PLEKHD1: variants seen among roughly 807,000 people sequenced by gnomAD.
The protein encoded by PLEKHD1 is pleckstrin homology domain-containing family D member 1.
PLEKHD1 carries 51 observed loss-of-function variants against 69.2 expected under a neutral mutation model. The ratio of observed to expected loss-of-function variants is 0.74; its 90% CI spans 0.59 to 0.93. PLEKHD1 has a LOEUF of 0.93. Among genes scored for constraint, PLEKHD1 ranks in the 40% least tolerant of loss-of-function variants. PLEKHD1 has a pLI of 0.00. For synonymous variants in PLEKHD1, 236 were observed against 244.7 expected, an observed-to-expected ratio of 0.96 and a Z score of 0.33; for missense variants, 584 against 641.0, an observed-to-expected ratio of 0.91 and a Z score of 0.96.
In PLEKHD1 at chr14:69,527,806, AATGCCGAGCTGGAGGCCAAG is replaced by A; in HGVS notation, c.1231_1250del (p.Glu411CysfsTer11). The stretch of plus-strand genomic sequence containing the variant: ...AGGGTTCTTTGAGGAGTGCATCCGG[AATGCCGAGCTGGAGGCCAAG>A]ATGCCTGTGATCATGAAGAACTCCG... On this transcript the variant is annotated frameshift_variant, in exon 12 of 13. Transcript: ENST00000322564. LOFTEE classifies it high-confidence loss of function. 1 of 1,551,472 alleles carries A rather than the reference AATGCCGAGCTGGAGGCCAAG, an allele frequency of 6.4e-7. No individual in the cohort carries two copies. Among genetic ancestry groups the A allele is most frequent in the Non-Finnish European group, 8.7e-7 (1 of 1,146,990 alleles).
At chr14:69,476,244 T>G in the PLEKHD1 span, among the ~76,000 whole-genome samples, 2 of 110,978 alleles carry the variant, frequency 1.8e-5, no homozygotes, top group South Asian at 3.0e-4. Context: ...GGTGACAGAG[T>G]GAGACTCTGT....
rs1366316839 is a variant in PLEKHD1, at chr14:69,484,737, G to T, written c.-229G>T. On this transcript the variant is annotated 5_prime_UTR_variant, in exon 1 of 13. Transcript: ENST00000322564. ...GAGCCACCCTCCCCGCGGAGTTCCCGCCCGGCCCTCTGCAATCCGGAGCCC... is the reference window on the plus strand; with the variant it reads ...GAGCCACCCTCCCCGCGGAGTTCCCTCCCGGCCCTCTGCAATCCGGAGCCC... 6 of 489,820 alleles carry T rather than the reference G, an allele frequency of 1.2e-5. No homozygotes were observed. In the South Asian group the frequency reaches 1.6e-4, roughly 13 times the overall value. The allele number at this position is 489,820 out of a possible 1,614,324, so 30.3% of individuals were successfully genotyped here.
Position 69,528,514 on chromosome 14 carries a change from T to C in PLEKHD1, c.*95T>C. On this transcript the variant is annotated 3_prime_UTR_variant, in exon 13 of 13. Coordinates refer to ENST00000322564, the MANE Select transcript of PLEKHD1 (RefSeq NM_001161498.2). Reference sequence around the variant, plus strand: ...GGCCTCACTCTACCAGCTCCTGGCCTCTCTGGTCTGGAGCCTATGTCTCCT... The same window carrying C: ...GGCCTCACTCTACCAGCTCCTGGCCCCTCTGGTCTGGAGCCTATGTCTCCT... 1 of 1,422,684 alleles carries C rather than the reference T, an allele frequency of 7.0e-7. No homozygotes were observed. The highest frequency in any genetic ancestry group is 1.4e-5 in the African/African-American group (1 of 70,346). The allele number at this position is 1,422,684 out of a possible 1,614,324, so 88.1% of individuals were successfully genotyped here. A position where few individuals can be genotyped will look rare whatever the true frequency, so the allele number is the denominator to read the frequency against.
intron 1 of PLEKHD1, among the ~76,000 whole-genome samples, chr14:69,497,785 G>A (rs1882919340): frequency 6.6e-6 from 1 of 152,188 alleles, no homozygotes; most frequent in Non-Finnish European, 1.5e-5. Context: ...TTTCCGCAGT[G>A]GGGGCAGAAA....
rs1054842204 is a variant in PLEKHD1, at chr14:69,484,975, T to A, written c.10T>A (p.Ser4Thr). The A allele has an allele frequency of 7.7e-6, 12 of 1,550,888 alleles. No individual in the cohort carries two copies. Among genetic ancestry groups the A allele is most frequent in the South Asian group, 1.2e-5 (1 of 84,026 alleles). Residue 4 changes from serine to threonine, a missense_variant, in exon 1 of 13, where the codon TCC (serine) becomes ACC (threonine). Coordinates refer to ENST00000322564, the MANE Select transcript of PLEKHD1 (RefSeq NM_001161498.2). ...GCCCCGCTGAGGCAGGATGTTCACG[T>A]CCAAGTCCAACTCGGTGTCGCCCTC... MFT[S>T]KSNSVSPSPS...
Position 69,502,774 on chromosome 14 carries a change from A to C in PLEKHD1, c.503-53A>C, listed in dbSNP as rs906065411. 3.9e-6 allele frequency: 6 copies of C among 1,548,832 alleles called. No individual in the cohort carries two copies. The African/African-American group carries it at 8.2e-5, about 21-fold the overall frequency. ...CAGGCACCAGCTCCCTCAGGACCTC[A>C]GAGCACTTTCCTGATTGTGTGTGCA... On this transcript the variant is annotated intron_variant, in intron 5 of 12. Coordinates refer to ENST00000322564, the MANE Select transcript of PLEKHD1 (RefSeq NM_001161498.2).
chr14:69,472,655 A>G, the PLEKHD1 span, among the ~76,000 whole-genome samples: 7 of 152,348 alleles, frequency 4.6e-5, no homozygotes, highest in South Asian at 4.1e-4. Flanking sequence ...TTGCATTGCA[A>G]CTGGCTACAG....
chr14:69,480,000 G>T (rs1293958646), upstream of PLEKHD1, among the ~76,000 whole-genome samples: 1 of 152,312 alleles, frequency 6.6e-6, no homozygotes, highest in African/African-American at 2.4e-5. Context: ...GTAAGCATTT[G>T]CTGAGCACCC....
intron 6 of PLEKHD1, among the ~76,000 whole-genome samples, chr14:69,511,456 A>G (rs896649040): frequency 1.3e-5 from 2 of 151,310 alleles, no homozygotes; most frequent in African/African-American, 4.9e-5. Flanking sequence ...CCTCACACAG[A>G]CCATTGTTGG....
chr14:69,473,684 A>G, the PLEKHD1 span, among the ~76,000 whole-genome samples: 1 of 152,048 alleles, frequency 6.6e-6, no homozygotes. Context: ...TTTGTGTCCC[A>G]CTCTGGTTGC....
intron 6 of PLEKHD1, among the ~76,000 whole-genome samples, chr14:69,517,623 A>G (rs1205031072): frequency 6.6e-6 from 1 of 152,054 alleles, no homozygotes; most frequent in Admixed American, 6.5e-5. Context: ...TGCTTAATAA[A>G]CGATAGCCAC....
intron 6 of PLEKHD1, among the ~76,000 whole-genome samples, chr14:69,514,852 G>A (rs1883348635): frequency 6.6e-6 from 1 of 152,034 alleles, no homozygotes; most frequent in Non-Finnish European, 1.5e-5. Flanking sequence ...CCCCCAAGTA[G>A]GTTACACTCT....
chr14:69,523,662 G>A (rs574024367), intron 7 of PLEKHD1, among the ~76,000 whole-genome samples: 2 of 152,182 alleles, frequency 1.3e-5, no homozygotes, highest in African/African-American at 4.8e-5. Context: ...CGAGAATTGA[G>A]ACACATGCAT....
chr14:69,507,126 A>C (rs1167683238), intron 6 of PLEKHD1, among the ~76,000 whole-genome samples: 4 of 151,918 alleles, frequency 2.6e-5, no homozygotes, highest in African/African-American at 9.7e-5. Flanking sequence ...TCCTGACCTC[A>C]TGATCCCCCC....
intron 6 of PLEKHD1, among the ~76,000 whole-genome samples, chr14:69,513,722 G>A (rs995075498): frequency 1.3e-5 from 2 of 152,068 alleles, no homozygotes; most frequent in African/African-American, 2.4e-5. Flanking sequence ...ATGAGTTTCT[G>A]ACCTATATCA....
At chr14:69,510,610 C>A (rs887347018) in intron 6 of PLEKHD1, among the ~76,000 whole-genome samples, 1 of 152,164 alleles carries the variant, frequency 6.6e-6, no homozygotes, top group African/African-American at 2.4e-5. Flanking sequence ...TTGTATCCTA[C>A]AATCTTGCTA....
chr14:69,475,344 C>T, the PLEKHD1 span, among the ~76,000 whole-genome samples: 1 of 152,020 alleles, frequency 6.6e-6, no homozygotes, highest in Non-Finnish European at 1.5e-5. Context: ...AGAGGGAGCA[C>T]TGAATACCTT....
intron 6 of PLEKHD1, among the ~76,000 whole-genome samples, chr14:69,506,963 C>T (rs1483411750): frequency 1.5e-5 from 2 of 136,590 alleles, no homozygotes; most frequent in African/African-American, 2.9e-5. Context: ...AGTGCAGTGG[C>T]GCGATCTCGG....
At chr14:69,501,230 TC>T in intron 4 of PLEKHD1, 1 of 509,730 alleles carries the variant, frequency 2.0e-6, no homozygotes, top group Non-Finnish European at 3.6e-6. Flanking sequence ...CCATCTCACC[TC>T]CCCAGGCCCA....
Sources: gnomAD v4.1 joint callset for allele counts (sites outside exome capture counted in the v4.1 genomes callset) on GRCh38, gnomAD v4.1.1 for gene constraint, MANE v1.5 for transcripts, NCBI Gene and HGNC (gene_info 2026-07-23, HGNC 2026-07-21) for gene names.